PCNX1: variants seen among roughly 807,000 people sequenced by gnomAD.
PCNX1 encodes pecanex-like protein 1.
A neutral mutation model predicts 242.2 loss-of-function variants in PCNX1; 78 were observed. The observed-to-expected ratio is 0.32, with a 90% CI of 0.27 to 0.39. PCNX1 has a LOEUF of 0.39. Among genes scored for constraint, PCNX1 ranks in the 10% least tolerant of loss-of-function variants. PCNX1 has a pLI of 1.00. For synonymous variants in PCNX1, 1,024 were observed against 1,032.9 expected (o/e 0.99, Z 0.17); for missense variants, 2,581 against 2,856.5 (o/e 0.90, Z 2.20).
chr14:71,064,438 A>C (rs1482026250), intron 26 of PCNX1, among the ~76,000 whole-genome samples: 1 of 152,112 alleles, frequency 6.6e-6, no homozygotes, highest in Non-Finnish European at 1.5e-5. Flanking sequence ...AGTTGGGTAA[A>C]TGTCCAAACT....
intron 1 of PCNX1, among the ~76,000 whole-genome samples, chr14:70,922,758 C>CT (rs200836942): frequency 0.091 from 12,082 of 132,248 alleles, 628 homozygotes; most frequent in East Asian, 0.3. Flanking sequence ...AGGTCATTAC[C>CT]TTTTTTTTTT....
intron 2 of PCNX1, among the ~76,000 whole-genome samples, chr14:70,957,599 G>T (rs1276870859): frequency 1.3e-5 from 2 of 152,154 alleles, no homozygotes; most frequent in African/African-American, 4.8e-5. Flanking sequence ...GTAAATTAAT[G>T]GTTGTCTAGG....
chr14:70,979,062 A>G (rs181492537), intron 6 of PCNX1, among the ~76,000 whole-genome samples: 62 of 152,358 alleles, frequency 4.1e-4, no homozygotes, highest in Admixed American at 1.6e-3. Context: ...TCAAAATTAG[A>G]TCACTCAGCC....
At chr14:70,928,822 T>C (rs1277191831) in intron 1 of PCNX1, among the ~76,000 whole-genome samples, 18 of 152,206 alleles carry the variant, frequency 1.2e-4, no homozygotes. Context: ...TATGCATACA[T>C]ACCTCTACCT....
chr14:70,999,017 G>A (rs1037532101), intron 8 of PCNX1, among the ~76,000 whole-genome samples: 1 of 152,012 alleles, frequency 6.6e-6, no homozygotes, highest in African/African-American at 2.4e-5. Flanking sequence ...GCTATTTGTT[G>A]TTGATTTTAT....
At chr14:70,926,920 C>T (rs570410779) in intron 1 of PCNX1, among the ~76,000 whole-genome samples, 1 of 152,246 alleles carries the variant, frequency 6.6e-6, no homozygotes, top group South Asian at 2.1e-4. Context: ...GTGAGAAACA[C>T]TGCATTGGAG....
chr14:71,054,060 A>C (rs909979246), intron 24 of PCNX1, among the ~76,000 whole-genome samples: 2 of 152,256 alleles, frequency 1.3e-5, no homozygotes, highest in Non-Finnish European at 2.9e-5. Context: ...CTGGGATTAC[A>C]GGCATGAGCC....
At chr14:71,009,904 C>T (rs1163177800) in intron 9 of PCNX1, 180 bp downstream of exon 9, 2 of 429,330 alleles carry the variant, frequency 4.7e-6, no homozygotes, top group East Asian at 3.4e-5. Flanking sequence ...ATATCATATA[C>T]ATTGGCTTAA....
At position 71,108,751 on chromosome 14, in the gene PCNX1, G is replaced by A. The variant is rs1299548013; in HGVS notation, c.6449G>A (p.Arg2150His). The change falls in exon 34 of 36, where the codon CGC (arginine) becomes CAC (histidine). Residue 2150 changes from arginine to histidine, a missense_variant. Coordinates refer to ENST00000304743, the MANE Select transcript of PCNX1 (RefSeq NM_014982.3). ...ACCACTGGGTTTGTGCCTTGTCGGCGCTCTTCTACTAGTCAGATATCGCTT... is the reference window on the plus strand; with the variant it reads ...ACCACTGGGTTTGTGCCTTGTCGGCACTCTTCTACTAGTCAGATATCGCTT... Reference protein sequence around the residue: ...MSTTGFVPCRRSSTSQISLRN... With the variant: ...MSTTGFVPCRHSSTSQISLRN... 1.9e-6 allele frequency: 3 copies of A among 1,614,186 alleles called. No individual in the cohort carries two copies. The highest frequency in any genetic ancestry group is 4.5e-5 in the East Asian group (2 of 44,882).
At chr14:70,972,774 C>G (rs2058578744) in intron 5 of PCNX1, among the ~76,000 whole-genome samples, 1 of 152,144 alleles carries the variant, frequency 6.6e-6, no homozygotes, top group Non-Finnish European at 1.5e-5. Context: ...CTAAGATAAT[C>G]TACAGTTTCC....
At chr14:71,012,818 CA>C (rs10557318) in intron 10 of PCNX1, 166 bp from the exon 11 acceptor site, 28,260 of 443,426 alleles carry the variant, frequency 0.064, 18 homozygotes, top group South Asian at 0.093. Context: ...GACTCTGTCT[CA>C]AAAAAAAAAA....
In PCNX1 at chr14:70,927,547, A is replaced by G. The variant is rs374301236; in HGVS notation, c.154-19368A>G. On this transcript the variant is annotated intron_variant, in intron 1 of 35. Coordinates refer to ENST00000304743, the MANE Select transcript of PCNX1 (RefSeq NM_014982.3). Reference sequence around the variant, plus strand: ...CTAATATACTTTTTACAGTTTATATATCTTATTGATTTTCATTCTCTCTCT... The same window carrying G: ...CTAATATACTTTTTACAGTTTATATGTCTTATTGATTTTCATTCTCTCTCT... Among the ~76,000 whole-genome samples, 21 of 151,974 alleles carry G rather than the reference A, an allele frequency of 1.4e-4. No homozygotes were observed. The South Asian group carries it at 4.4e-3, about 32-fold the overall frequency.
chr14:71,028,862 C>T (rs2060307040), intron 16 of PCNX1, 71 bp downstream of exon 16: 9 of 853,804 alleles, frequency 1.1e-5, no homozygotes, highest in Admixed American at 4.7e-5. Flanking sequence ...TTAAAATCAA[C>T]TAATAATGAT....
intron 5 of PCNX1, among the ~76,000 whole-genome samples, chr14:70,976,252 G>A (rs908737795): frequency 6.6e-6 from 1 of 152,154 alleles, no homozygotes; most frequent in African/African-American, 2.4e-5. Context: ...TGCAGATGAG[G>A]AAACAGATTT....
intron 26 of PCNX1, among the ~76,000 whole-genome samples, chr14:71,062,882 G>A (rs2158996): frequency 0.3 from 44,885 of 151,884 alleles, 6,625 homozygotes; most frequent in Middle Eastern, 0.4. Context: ...TTACTGTACC[G>A]TTTCTGTGTT....
Position 71,045,266 on chromosome 14 carries a change from A to G in PCNX1, c.4001A>G (p.Asn1334Ser). 6.2e-7 allele frequency: 1 copy of G among 1,605,324 alleles called. No homozygotes were observed. The highest frequency in any genetic ancestry group is 8.5e-7 in the Non-Finnish European group (1 of 1,177,284). ...CCTCTGCTAAAGACACTAGAGTATA[A>G]TCAGTATGAAGTTCGAAGTAAGTAT... ...SHPLLKTLEY[N>S]QYEVRNAATM... is the part of the protein sequence containing the mutation. The change falls in exon 20 of 36, where the codon AAT becomes AGT. Residue 1334 changes from asparagine (N) to serine (S), a missense_variant. By Grantham distance (46) the Asn-to-Ser change is conservative. Coordinates refer to ENST00000304743, the MANE Select transcript of PCNX1 (RefSeq NM_014982.3).
intron 1 of PCNX1, among the ~76,000 whole-genome samples, chr14:70,932,370 G>A (rs1449280707): frequency 1.3e-5 from 2 of 152,132 alleles, no homozygotes; most frequent in Non-Finnish European, 1.5e-5. Flanking sequence ...GGGTATCTTT[G>A]TGTTTTGAAA....
intron 18 of PCNX1, among the ~76,000 whole-genome samples, chr14:71,035,433 A>G (rs2060501571): frequency 6.6e-6 from 1 of 152,180 alleles, no homozygotes; most frequent in African/African-American, 2.4e-5. Flanking sequence ...AGAAAATAAG[A>G]TTTTTTGTGG....
chr14:71,041,815 A>ATACTG (rs1193231911), intron 19 of PCNX1, among the ~76,000 whole-genome samples: 1 of 137,848 alleles, frequency 7.3e-6, no homozygotes, highest in Non-Finnish European at 1.5e-5. Context: ...ATACTATACT[A>ATACTG]TACTATACTA....
Sources: allele counts gnomAD v4.1 joint callset (sites outside exome capture counted in the v4.1 genomes callset), GRCh38; gene constraint gnomAD v4.1.1; transcripts MANE v1.5; gene names NCBI Gene and HGNC (gene_info 2026-07-23, HGNC 2026-07-21).